The following TCERG1L variants were observed in gnomAD, a reference collection of about 807,000 sequenced individuals.
The protein encoded by TCERG1L is transcription elongation regulator 1 like, also known as transcription elongation regulator 1-like protein.
Under a neutral mutation model 56.3 loss-of-function variants are expected in TCERG1L, and 37 were observed. That is an observed-to-expected ratio of 0.66 (90% CI 0.51 to 0.87). TCERG1L has a LOEUF of 0.87. TCERG1L is among the 40% of genes least tolerant of loss of function. TCERG1L has a pLI of 0.00. For missense variants in TCERG1L, 799 were observed against 774.2 expected (o/e 1.03, Z -0.38); for synonymous variants, 324 against 326.3 (o/e 0.99, Z 0.08).
At chr10:131,094,031 G>A (rs1405952362) in intron 11 of TCERG1L, among the ~76,000 whole-genome samples, 1 of 152,256 alleles carries the variant, frequency 6.6e-6, no homozygotes, top group East Asian at 1.9e-4. Context: ...TGCCCCGTAA[G>A]AAAATGCGAG....
In TCERG1L at chr10:131,284,792, T is replaced by C. The variant is rs1194919607; in HGVS notation, c.670+23419A>G. ...GGCAATTTGCAAACTTAGATGCAAG[T>C]ATAAATTCTAGAAGAAAAATATAGC... On this transcript the variant is annotated intron_variant, in intron 3 of 11. Transcript: ENST00000368642. Among the ~76,000 whole-genome samples, 3 of 152,082 alleles carry C rather than the reference T, an allele frequency of 2.0e-5. No individual in the cohort carries two copies. In the South Asian group the frequency reaches 6.2e-4, roughly 31 times the overall value.
At chr10:131,281,537 G>C (rs1846453993) in intron 3 of TCERG1L, among the ~76,000 whole-genome samples, 1 of 152,202 alleles carries the variant, frequency 6.6e-6, no homozygotes, top group Non-Finnish European at 1.5e-5. Context: ...GAAACTTTGA[G>C]TGAAGCCCAA....
intron 4 of TCERG1L, among the ~76,000 whole-genome samples, chr10:131,183,321 A>C (rs1043476820): frequency 3.3e-5 from 5 of 152,184 alleles, no homozygotes; most frequent in Non-Finnish European, 5.9e-5. Context: ...TCAATCCTAT[A>C]CTTACAATGA....
At position 131,310,047 on chromosome 10, in the gene TCERG1L, G is replaced by T. The variant is rs1333520871; in HGVS notation, c.343-748C>A. ...TTGTTTTAAAATCGTAAAAGCATTT[G>T]TGATGTTCCTGTTACATGAAAATGT... On this transcript the variant is annotated intron_variant, in intron 1 of 11. Coordinates refer to ENST00000368642, the MANE Select transcript of TCERG1L (RefSeq NM_174937.4). 2.6e-5 allele frequency among the ~76,000 whole-genome samples: 4 copies of T among 152,202 alleles called. No homozygotes were observed. The East Asian group carries it at 7.7e-4, about 29-fold the overall frequency.
Position 131,260,143 on chromosome 10 carries a change from C to T in TCERG1L, c.856+116G>A, listed in dbSNP as rs1320077203. 9 of 1,235,678 alleles carry T rather than the reference C, an allele frequency of 7.3e-6. No individual in the cohort carries two copies. Among genetic ancestry groups the T allele is most frequent in the African/African-American group, 4.7e-5 (3 of 64,474 alleles). 76.5% of individuals were successfully genotyped at this position (1,235,678 alleles called of 1,614,324 possible). On this transcript the variant is annotated intron_variant, in intron 4 of 11. Coordinates refer to ENST00000368642, the MANE Select transcript of TCERG1L (RefSeq NM_174937.4). The surrounding 1 kb of genome is among the most constrained non-coding windows in gnomAD (Gnocchi z 5.8). ...GCCCCAGCCGAATGTTTCCCTCAAC[C>T]GGAGCCGGGCTTCAGGTCCCACAGC...
chr10:131,281,817 A>G (rs902322216), intron 3 of TCERG1L, among the ~76,000 whole-genome samples: 1 of 141,288 alleles, frequency 7.1e-6, no homozygotes, highest in Non-Finnish European at 1.6e-5. Flanking sequence ...TCCAACACCT[A>G]AAAGTGAGGA....
chr10:131,092,570 C>T lies in TCERG1L; in HGVS notation c.*592G>A, dbSNP rs1354586044. ...GTGGCAACCAACACGGCTCCCTGCT[C>T]CAGGCCGGGACGCCCCTCTGGGAGG... On this transcript the variant is annotated 3_prime_UTR_variant, in exon 12 of 12. Coordinates refer to ENST00000368642, the MANE Select transcript of TCERG1L (RefSeq NM_174937.4). The T allele has an allele frequency of 6.6e-6, 1 of 152,606 alleles. No homozygotes were observed. 9.5% of individuals were successfully genotyped at this position (152,606 alleles called of 1,614,324 possible). A position where few individuals can be genotyped will look rare whatever the true frequency, so the allele number is the denominator to read the frequency against.
chr10:131,224,273 T>C (rs1300358254), intron 4 of TCERG1L, among the ~76,000 whole-genome samples: 1 of 152,138 alleles, frequency 6.6e-6, no homozygotes, highest in Admixed American at 6.5e-5. Context: ...CCAGCCGAAG[T>C]GTGCTGACCC....
chr10:131,177,082 ACG>A (rs1491512286), intron 4 of TCERG1L, among the ~76,000 whole-genome samples: 15 of 134,058 alleles, frequency 1.1e-4, no homozygotes, highest in Admixed American at 5.8e-4. Context: ...ATACACACAC[ACG>A]TACTCACAGA....
At chr10:131,271,695 A>T (rs1846340947) in intron 3 of TCERG1L, among the ~76,000 whole-genome samples, 1 of 152,192 alleles carries the variant, frequency 6.6e-6, no homozygotes, top group Non-Finnish European at 1.5e-5. Flanking sequence ...GCCAGGACAG[A>T]TCTGCCTCTG....
chr10:131,235,561 T>C lies in TCERG1L; in HGVS notation c.856+24698A>G, dbSNP rs903245829. Among the ~76,000 whole-genome samples the C allele has an allele frequency of 4.6e-5, 7 of 152,048 alleles. No individual in the cohort carries two copies. In the East Asian group the frequency reaches 1.2e-3, roughly 25 times the overall value. On this transcript the variant is annotated intron_variant, in intron 4 of 11. Transcript: ENST00000368642. ...GCAACTACTATAATTTAGTAAAGCA[T>C]GACAGCTCAAAACTATGGAATACTC...
chr10:131,268,483 C>T (rs573676932), intron 3 of TCERG1L, among the ~76,000 whole-genome samples: 2 of 152,286 alleles, frequency 1.3e-5, no homozygotes, highest in South Asian at 4.1e-4. Context: ...GCTGCACTGG[C>T]CCCTAACCAG....
intron 11 of TCERG1L, chr10:131,095,587 A>G (rs949271809): frequency 3.3e-5 from 5 of 152,216 alleles, no homozygotes; most frequent in Non-Finnish European, 7.3e-5. Context: ...ATCTGGAAAA[A>G]GTTTTTGAAA....
intron 4 of TCERG1L, among the ~76,000 whole-genome samples, chr10:131,215,005 G>A (rs1370889207): frequency 9.9e-5 from 15 of 152,184 alleles, no homozygotes; most frequent in Non-Finnish European, 1.9e-4. Context: ...CGGAAACAGG[G>A]GCACTCAGAG....
chr10:131,199,187 C>G (rs763123668), intron 4 of TCERG1L, among the ~76,000 whole-genome samples: 70 of 152,132 alleles, frequency 4.6e-4, no homozygotes, highest in Non-Finnish European at 8.8e-4. Flanking sequence ...AGCATCTGGC[C>G]GTGGCCTATC....
intron 4 of TCERG1L, among the ~76,000 whole-genome samples, chr10:131,236,290 C>T (rs569871488): frequency 3.3e-5 from 5 of 152,322 alleles, no homozygotes; most frequent in South Asian, 4.1e-4. Context: ...AATTGTTCTC[C>T]GTAAATTAGC....
chr10:131,258,772 C>T (rs960652702), intron 4 of TCERG1L, among the ~76,000 whole-genome samples: 2 of 152,124 alleles, frequency 1.3e-5, no homozygotes, highest in East Asian at 3.9e-4. Flanking sequence ...ATCATGGAAC[C>T]TTATAAAAGG....
At chr10:131,239,100 G>A (rs889954874) in intron 4 of TCERG1L, among the ~76,000 whole-genome samples, 2 of 152,236 alleles carry the variant, frequency 1.3e-5, no homozygotes, top group African/African-American at 4.8e-5. Context: ...TGAGGCTGCT[G>A]AAGCCCAGCC....
chr10:131,270,764 T>C (rs1378908550), intron 3 of TCERG1L, among the ~76,000 whole-genome samples: 2 of 152,240 alleles, frequency 1.3e-5, no homozygotes, highest in Admixed American at 1.3e-4. Flanking sequence ...AAATGTCCAT[T>C]GTCCCTGTGT....
Sources: gnomAD v4.1 joint callset for allele counts (sites outside exome capture counted in the v4.1 genomes callset) on GRCh38, gnomAD v4.1.1 for gene constraint, Gnocchi (gnomAD v3.1) non-coding constraint, MANE v1.5 for transcripts, NCBI Gene and HGNC (gene_info 2026-07-23, HGNC 2026-07-21) for gene names.